Variants in MED27 observed in about 807,000 individuals in gnomAD.
MED27 encodes the protein mediator complex subunit 27.
A neutral mutation model predicts 38.2 loss-of-function variants in MED27; 30 were observed. That is an observed-to-expected ratio of 0.79 (90% CI 0.59 to 1.07). MED27 has a LOEUF of 1.07. Among genes scored for constraint, MED27 ranks in the 50% least tolerant of loss-of-function variants. The pLI is 0.00. For synonymous variants in MED27, 122 were observed against 153.5 expected (o/e 0.79, Z 1.52); for missense variants, 289 against 397.5 (o/e 0.73, Z 2.32).
intron 5 of MED27, among the ~76,000 whole-genome samples, chr9:131,887,364 T>C (rs1405363923): frequency 6.6e-6 from 1 of 152,172 alleles, no homozygotes; most frequent in Non-Finnish European, 1.5e-5. Context: ...GCTCCTACCA[T>C]CTGGGACAGA....
In MED27 at chr9:131,918,608, G is replaced by A. The variant is rs192159784; in HGVS notation, c.573+20773C>T. Among the ~76,000 whole-genome samples, 593 of 151,900 alleles carry A rather than the reference G, an allele frequency of 3.9e-3. 4 individuals are homozygous for A. Among genetic ancestry groups the A allele is most frequent in the Non-Finnish European group, 6.8e-3 (460 of 67,936 alleles). On this transcript the variant is annotated intron_variant, in intron 4 of 7. Transcript: ENST00000292035. ...TTCTTTCTGCATGACTTAGCTGTCA[G>A]AAAACTGAAAAACAGGTTTAATGCC...
chr9:131,969,346 G>T, intron 3 of MED27, among the ~76,000 whole-genome samples: 1 of 152,150 alleles, frequency 6.6e-6, no homozygotes, highest in Non-Finnish European at 1.5e-5. Context: ...CTGGGACAGG[G>T]TGAGCCTGGA....
chr9:131,863,246 C>T (rs1446931656), intron 6 of MED27, 106 bp from the exon 7 acceptor site: 9 of 873,930 alleles, frequency 1.0e-5, no homozygotes, highest in East Asian at 2.6e-5. Flanking sequence ...CTGAGTATCT[C>T]GTGGAGGAAA....
chr9:131,971,649 C>CCCA (rs1831480089), intron 3 of MED27, among the ~76,000 whole-genome samples: 1 of 151,954 alleles, frequency 6.6e-6, no homozygotes, highest in Non-Finnish European at 1.5e-5. Flanking sequence ...TTAGTGGTGA[C>CCCA]GGGGAGAAGA....
At chr9:131,869,085 C>T (rs1838784149) in intron 6 of MED27, 1 of 985,450 alleles carries the variant, frequency 1.0e-6, no homozygotes, top group Non-Finnish European at 1.2e-6. Context: ...CAAGTGCTGG[C>T]AGCTTTTTCC....
intron 2 of MED27, among the ~76,000 whole-genome samples, chr9:132,059,280 C>T (rs889627968): frequency 1.3e-5 from 2 of 152,208 alleles, no homozygotes; most frequent in Non-Finnish European, 2.9e-5. Context: ...AGGAACAGAT[C>T]ACCCTCAGAA....
chr9:132,052,180 G>C (rs868626255), intron 2 of MED27, among the ~76,000 whole-genome samples: 1 of 152,102 alleles, frequency 6.6e-6, no homozygotes, highest in African/African-American at 2.4e-5. Context: ...TGACAAGGTC[G>C]CCTCAAGACA....
At chr9:132,035,111 G>C (rs1223961947) in intron 2 of MED27, among the ~76,000 whole-genome samples, 1 of 152,108 alleles carries the variant, frequency 6.6e-6, no homozygotes, top group African/African-American at 2.4e-5. Context: ...ATGCAATAAA[G>C]GGGAAGGTGT....
At chr9:131,894,310 T>C (rs538963836) in intron 4 of MED27, among the ~76,000 whole-genome samples, 5 of 152,350 alleles carry the variant, frequency 3.3e-5, no homozygotes, top group Non-Finnish European at 7.3e-5. Context: ...ATTTTAAGAT[T>C]TTCTTTTTCA....
intron 3 of MED27, among the ~76,000 whole-genome samples, chr9:131,957,421 A>AT (rs985949408): frequency 6.6e-6 from 1 of 151,776 alleles, no homozygotes; most frequent in Non-Finnish European, 1.5e-5. Context: ...TGTCCAACTA[A>AT]TTTTTTTTAT....
intron 4 of MED27, among the ~76,000 whole-genome samples, chr9:131,935,465 A>G (rs1830664983): frequency 6.6e-6 from 1 of 152,236 alleles, no homozygotes; most frequent in South Asian, 2.1e-4. Flanking sequence ...CAACCCCAAC[A>G]TGCCTTGGCA....
chr9:131,892,249 C>T (rs968468973), intron 5 of MED27, among the ~76,000 whole-genome samples: 19 of 152,068 alleles, frequency 1.2e-4, no homozygotes, highest in African/African-American at 4.3e-4. Context: ...GTTTTGGAAG[C>T]ACCATACCTC....
intron 6 of MED27, among the ~76,000 whole-genome samples, chr9:131,871,326 T>C (rs909559117): frequency 6.6e-6 from 1 of 152,240 alleles, no homozygotes; most frequent in African/African-American, 2.4e-5. Context: ...AGGTTTTATG[T>C]TGACCAGATA....
At chr9:131,871,107 T>C (rs1838825684) in intron 6 of MED27, among the ~76,000 whole-genome samples, 1 of 152,150 alleles carries the variant, frequency 6.6e-6, no homozygotes, top group Non-Finnish European at 1.5e-5. Context: ...TGCCCGGGAT[T>C]CAGTGTGCAT....
chr9:131,862,254 C>T lies in MED27; in HGVS notation c.801+809G>A, dbSNP rs17148362. Among the ~76,000 whole-genome samples the T allele has an allele frequency of 5.3e-5, 8 of 152,150 alleles. No homozygotes were observed. The highest frequency in any genetic ancestry group is 3.2e-3 in the Middle Eastern group (1 of 316). ...GGCCTTGCTAACAGGTCTTTGGAGT[C>T]GGTTCTCTAACCGGCAGACTTTCTA... On this transcript the variant is annotated intron_variant, in intron 7 of 7. Transcript: ENST00000292035. This position sits in a 1 kb window ranked among gnomAD's most constrained non-coding sequence, Gnocchi z 4.6.
intron 4 of MED27, among the ~76,000 whole-genome samples, chr9:131,911,899 C>T (rs1416502210): frequency 1.3e-5 from 2 of 152,112 alleles, no homozygotes; most frequent in Non-Finnish European, 2.9e-5. Flanking sequence ...CTGTCTATTG[C>T]CTTTCTCTCC....
At chr9:132,067,165 A>C (rs915903768) in intron 2 of MED27, among the ~76,000 whole-genome samples, 10 of 152,250 alleles carry the variant, frequency 6.6e-5, no homozygotes, top group African/African-American at 2.4e-4. Context: ...CTGTGTGTCC[A>C]ACGCTGAACT....
At chr9:132,006,940 A>G (rs1481267138) in intron 3 of MED27, among the ~76,000 whole-genome samples, 1 of 152,208 alleles carries the variant, frequency 6.6e-6, no homozygotes, top group Non-Finnish European at 1.5e-5. Flanking sequence ...TCTACCACAC[A>G]TCTTGGAAAG....
At chr9:132,053,180 G>A (rs981504042) in intron 2 of MED27, among the ~76,000 whole-genome samples, 2 of 151,936 alleles carry the variant, frequency 1.3e-5, no homozygotes, top group Non-Finnish European at 1.5e-5. Flanking sequence ...CTGAACCCAG[G>A]AGGCGGAGCT....
Sources: allele counts gnomAD v4.1 joint callset (sites outside exome capture counted in the v4.1 genomes callset), GRCh38; gene constraint gnomAD v4.1.1; non-coding constraint Gnocchi (gnomAD v3.1); transcripts MANE v1.5; gene names NCBI Gene and HGNC (gene_info 2026-07-23, HGNC 2026-07-21).